Variants in ZNF804B observed in about 807,000 individuals in gnomAD.
The protein encoded by ZNF804B is zinc finger 804B.
ZNF804B carries 80 observed loss-of-function variants against 101.4 expected under a neutral mutation model. The observed-to-expected ratio is 0.79, with a 90% CI of 0.66 to 0.95. The LOEUF (loss-of-function observed/expected upper bound fraction) is 0.95. Among genes scored for constraint, ZNF804B ranks in the 40% least tolerant of loss-of-function variants. ZNF804B has a pLI of 0.00. For missense variants in ZNF804B, 1,673 were observed against 1,561.9 expected, an observed-to-expected ratio of 1.07 and a Z score of -1.20; for synonymous variants, 622 against 558.8, an observed-to-expected ratio of 1.11 and a Z score of -1.59.
chr7:89,007,920 G>C (rs1295707980), intron 1 of ZNF804B, among the ~76,000 whole-genome samples: 2 of 151,834 alleles, frequency 1.3e-5, no homozygotes, highest in African/African-American at 2.4e-5. Context: ...GTAATAAAAT[G>C]TCAGTTTTCT....
chr7:88,873,444 C>A (rs578127029), intron 1 of ZNF804B, among the ~76,000 whole-genome samples: 2,170 of 152,232 alleles, frequency 0.014, 52 homozygotes, highest in African/African-American at 0.049. Context: ...ATGGTAGTTT[C>A]TTTTGCTGTG....
intron 1 of ZNF804B, among the ~76,000 whole-genome samples, chr7:89,139,804 G>A (rs7803663): frequency 0.061 from 9,237 of 151,982 alleles, 379 homozygotes; most frequent in Non-Finnish European, 0.086. Context: ...AGTCATCCAT[G>A]ATGGTTAGAA....
At chr7:88,835,826 T>A (rs1791208100) in intron 1 of ZNF804B, among the ~76,000 whole-genome samples, 1 of 151,910 alleles carries the variant, frequency 6.6e-6, no homozygotes, top group Non-Finnish European at 1.5e-5. Flanking sequence ...AGCAAATACC[T>A]AAAAGAAAAA....
At chr7:88,883,290 GACAA>G (rs1487439492) in intron 1 of ZNF804B, among the ~76,000 whole-genome samples, 2 of 152,056 alleles carry the variant, frequency 1.3e-5, no homozygotes, top group Non-Finnish European at 2.9e-5. Flanking sequence ...ATCACATTTT[GACAA>G]ACAGTGAAAA....
rs866926346 is a variant in ZNF804B at position 89,327,353 on chromosome 7, G to A, written c.259G>A (p.Glu87Lys). 2 of 1,602,396 alleles carry A rather than the reference G, an allele frequency of 1.2e-6. No homozygotes were observed. Among genetic ancestry groups the A allele is most frequent in the Non-Finnish European group, 1.7e-6 (2 of 1,176,060 alleles). The stretch of plus-strand genomic sequence containing the variant: ...TTTCTTCTTTTTCAAGAGACTGAAA[G>A]AATTAAAGCAACGGGAATTTGCTCG... ...YDHAHKQRLK[E>K]LKQREFARNV... The change falls in exon 3 of 4, where the codon GAA becomes AAA. Residue 87 changes from glutamate to lysine, a missense_variant. By Grantham distance (56) the Glu-to-Lys change is moderately conservative. Coordinates refer to ENST00000333190, the MANE Select transcript of ZNF804B (RefSeq NM_181646.5).
At position 88,773,803 on chromosome 7, in the gene ZNF804B, G is replaced by C. The variant is rs550903359; in HGVS notation, c.108+13719G>C. Among the ~76,000 whole-genome samples the C allele has an allele frequency of 2.0e-5, 3 of 152,122 alleles. No homozygotes were observed. The South Asian group carries it at 6.2e-4, about 32-fold the overall frequency. On this transcript the variant is annotated intron_variant, in intron 1 of 3. Transcript: ENST00000333190. ...ATATGGCCAGAACAGGGGCAAGAAA[G>C]GGGGGTGAGGGAGATGCCACTCTCT...
chr7:88,963,506 C>T (rs975271431), intron 1 of ZNF804B, among the ~76,000 whole-genome samples: 19 of 151,390 alleles, frequency 1.3e-4, no homozygotes, highest in African/African-American at 4.6e-4. Context: ...ATACCTTATA[C>T]ACACATCATA....
chr7:89,131,494 A>C (rs1000516445), intron 1 of ZNF804B, among the ~76,000 whole-genome samples: 4 of 151,976 alleles, frequency 2.6e-5, no homozygotes, highest in African/African-American at 9.7e-5. Flanking sequence ...TGAAAGGTAG[A>C]TAGACCCCAT....
At chr7:88,784,019 G>T (rs1012521490) in intron 1 of ZNF804B, among the ~76,000 whole-genome samples, 2 of 152,068 alleles carry the variant, frequency 1.3e-5, no homozygotes, top group African/African-American at 4.8e-5. Context: ...CCATCATTTT[G>T]GATCATGCAT....
intron 1 of ZNF804B, among the ~76,000 whole-genome samples, chr7:88,933,415 C>G (rs531963056): frequency 1.4e-3 from 206 of 151,980 alleles, no homozygotes; most frequent in African/African-American, 4.8e-3. Context: ...TTCTATTGAA[C>G]CTAGTACTGG....
intron 2 of ZNF804B, among the ~76,000 whole-genome samples, chr7:89,232,057 T>C (rs1789200618): frequency 1.3e-5 from 2 of 152,122 alleles, no homozygotes; most frequent in African/African-American, 4.8e-5. Context: ...AAGTTTTTAA[T>C]AGAAACCCTT....
intron 1 of ZNF804B, among the ~76,000 whole-genome samples, chr7:88,999,119 C>A (rs533922329): frequency 6.6e-5 from 10 of 151,988 alleles, no homozygotes; most frequent in Non-Finnish European, 1.5e-4. Context: ...ATGATGAAAT[C>A]ATGAGATTTC....
intron 1 of ZNF804B, among the ~76,000 whole-genome samples, chr7:89,021,736 C>T (rs1236882000): frequency 6.6e-6 from 1 of 152,108 alleles, no homozygotes; most frequent in Non-Finnish European, 1.5e-5. Context: ...AACACAGCCA[C>T]CCATGTGGGC....
At chr7:89,201,397 A>G (rs758732086) in intron 1 of ZNF804B, among the ~76,000 whole-genome samples, 2 of 152,076 alleles carry the variant, frequency 1.3e-5, no homozygotes, top group Non-Finnish European at 2.9e-5. Context: ...TACAAAATGG[A>G]ATAACAGACA....
At chr7:89,058,152 A>G (rs1250374558) in intron 1 of ZNF804B, among the ~76,000 whole-genome samples, 1 of 152,128 alleles carries the variant, frequency 6.6e-6, no homozygotes, top group Non-Finnish European at 1.5e-5. Context: ...TGTTAGTAAG[A>G]TGTTTTCCCT....
chr7:88,825,172 T>C (rs1791035742), intron 1 of ZNF804B, among the ~76,000 whole-genome samples: 1 of 152,086 alleles, frequency 6.6e-6, no homozygotes, highest in South Asian at 2.1e-4. Context: ...GAGATGATAA[T>C]AGTGCATAAG....
Position 88,760,032 on chromosome 7 carries a change from G to A in ZNF804B, c.56G>A (p.Gly19Asp), listed in dbSNP as rs763500905. The change falls in exon 1 of 4, where the codon GGC becomes GAC. Residue 19 changes from glycine (G) to aspartate (D), a missense_variant. Gly to Asp is a moderately conservative substitution (Grantham distance 94, BLOSUM62 -1). Transcript: ENST00000333190. ...CATCTCAGCAATGGGCACTACCGGGGCATTAAAGGAGTCTTCAGGGGACCC... is the reference window on the plus strand; with the variant it reads ...CATCTCAGCAATGGGCACTACCGGGACATTAAAGGAGTCTTCAGGGGACCC... ...SRHLSNGHYR[G>D]IKGVFRGPLC... The A allele has an allele frequency of 1.2e-6, 2 of 1,614,206 alleles. No homozygotes were observed. Among genetic ancestry groups the A allele is most frequent in the Non-Finnish European group, 1.7e-6 (2 of 1,180,042 alleles).
rs147566165 is a variant in ZNF804B, at chr7:88,906,467, A to G, written c.108+146383A>G. 1.4e-4 allele frequency among the ~76,000 whole-genome samples: 21 copies of G among 152,202 alleles called. No homozygotes were observed. The East Asian group carries it at 4.1e-3, about 29-fold the overall frequency. ...TTTTCATTAATTTCAAAGAATTTTTAAATTTCTGCCTTAATTGTAATGTTC... is the reference window on the plus strand; with the variant it reads ...TTTTCATTAATTTCAAAGAATTTTTGAATTTCTGCCTTAATTGTAATGTTC... On this transcript the variant is annotated intron_variant, in intron 1 of 3. Coordinates refer to ENST00000333190, the MANE Select transcript of ZNF804B (RefSeq NM_181646.5).
intron 1 of ZNF804B, among the ~76,000 whole-genome samples, chr7:88,997,314 A>C (rs1340487339): frequency 6.6e-6 from 1 of 152,124 alleles, no homozygotes; most frequent in South Asian, 2.1e-4. Flanking sequence ...GTTGAATTTC[A>C]AAAGTTTTCT....
Sources: gnomAD v4.1 joint callset for allele counts (sites outside exome capture counted in the v4.1 genomes callset) on GRCh38, gnomAD v4.1.1 for gene constraint, MANE v1.5 for transcripts, NCBI Gene and HGNC (gene_info 2026-07-23, HGNC 2026-07-21) for gene names.